PARP3: variants seen among roughly 807,000 people sequenced by gnomAD.
PARP3 encodes the protein poly(ADP-ribose) polymerase family member 3, also known as protein mono-ADP-ribosyltransferase PARP3.
In PARP3, 46 loss-of-function variants were observed where a neutral mutation model predicts 58.2. That is an observed-to-expected ratio of 0.79 (90% CI 0.62 to 1.01). The LOEUF (loss-of-function observed/expected upper bound fraction) is 1.01, where lower values mean the gene tolerates loss of function less well. PARP3 is among the 50% of genes least tolerant of loss of function. PARP3 has a pLI of 0.00. For missense variants in PARP3, 663 were observed against 683.9 expected (o/e 0.97, Z 0.34); for synonymous variants, 252 against 266.4 (o/e 0.95, Z 0.53).
intron 2 of PARP3, 23 bp downstream of exon 2, chr3:51,943,561 G>A (rs1356795543): frequency 6.3e-7 from 1 of 1,596,092 alleles, no homozygotes; most frequent in Non-Finnish European, 8.5e-7. Context: ...CCCCAGTCAG[G>A]CCCAGAGCCT....
At position 51,944,113 on chromosome 3, in the gene PARP3, C is replaced by T. The variant is rs369723429; in HGVS notation, c.208C>T (p.Leu70=). Residue 70 remains leucine (L), a synonymous_variant, in exon 3 of 11, where the codon CTG becomes TTG. Transcript: ENST00000398755. This position sits in a 1 kb window ranked among gnomAD's most constrained non-coding sequence, Gnocchi z 4.2. The part of the protein sequence containing the change: ...TQVYEDYNCT[L]NQTNIENNNN... Reference sequence around the variant, plus strand: ...GGTGTATGAGGACTACAACTGCACCCTGAACCAGACCAACATCGAGAACAA... The same window carrying T: ...GGTGTATGAGGACTACAACTGCACCTTGAACCAGACCAACATCGAGAACAA... 6.2e-7 allele frequency: 1 copy of T among 1,613,992 alleles called. No homozygotes were observed. Among genetic ancestry groups the T allele is most frequent in the African/African-American group, 1.3e-5 (1 of 75,000 alleles).
At chr3:51,945,963 C>G in intron 8 of PARP3, 24 bp downstream of exon 8, 1 of 1,578,448 alleles carries the variant, frequency 6.3e-7, no homozygotes, top group Non-Finnish European at 8.7e-7. Context: ...CCCCACCTCT[C>G]CCCCATCACC....
In PARP3 at chr3:51,946,449, T is replaced by C; in HGVS notation, c.1276+106T>C. ...ATGGTGAATCCAAGAGAGGAATCCTTTAATGGTTAATGACTACAGTGCTCA... is the reference window on the plus strand; with the variant it reads ...ATGGTGAATCCAAGAGAGGAATCCTCTAATGGTTAATGACTACAGTGCTCA... On this transcript the variant is annotated intron_variant, in intron 9 of 10. Coordinates refer to ENST00000398755, the MANE Select transcript of PARP3 (RefSeq NM_001003931.4). This position sits in a 1 kb window ranked among gnomAD's most constrained non-coding sequence, Gnocchi z 4.6. The C allele has an allele frequency of 1.1e-6, 1 of 903,288 alleles. No individual in the cohort carries two copies. Among genetic ancestry groups the C allele is most frequent in the South Asian group, 1.7e-5 (1 of 57,278 alleles). The allele number at this position is 903,288 out of a possible 1,614,324, so 56.0% of individuals were successfully genotyped here. A position where few individuals can be genotyped will look rare whatever the true frequency, so the allele number is the denominator to read the frequency against.
At chr3:51,943,694 G>A (rs1045289699) in intron 2 of PARP3, among the ~76,000 whole-genome samples, 156 bp downstream of exon 2, 2 of 152,116 alleles carry the variant, frequency 1.3e-5, no homozygotes, top group Admixed American at 1.3e-4. Flanking sequence ...AGACATCAGG[G>A]CTGTGTCCCG....
At position 51,942,670 on chromosome 3, in the gene PARP3, T is replaced by G. The variant is rs1577655115; in HGVS notation, c.-41T>G. On this transcript the variant is annotated 5_prime_UTR_variant, in exon 1 of 11. Transcript: ENST00000398755. Reference sequence around the variant, plus strand: ...GGGAGGCGCACACAACCAGGCCGGGTGGCAGCCAGGACCTCTCCCATGTCC... The same window carrying G: ...GGGAGGCGCACACAACCAGGCCGGGGGGCAGCCAGGACCTCTCCCATGTCC... 5 of 1,448,498 alleles carry G rather than the reference T, an allele frequency of 3.5e-6. No individual in the cohort carries two copies. The highest frequency in any genetic ancestry group is 4.8e-6 in the Non-Finnish European group (5 of 1,048,850). The allele number at this position is 1,448,498 out of a possible 1,614,324, so 89.7% of individuals were successfully genotyped here.
chr3:51,947,149 G>T (rs1373731027), intron 9 of PARP3, among the ~76,000 whole-genome samples: 1 of 152,200 alleles, frequency 6.6e-6, no homozygotes, highest in Non-Finnish European at 1.5e-5. Context: ...AAGGGTCAAG[G>T]CTGTCTCCAG....
At position 51,944,694 on chromosome 3, in the gene PARP3, C is replaced by A; in HGVS notation, c.502-84C>A. On this transcript the variant is annotated intron_variant, in intron 4 of 10. Coordinates refer to ENST00000398755, the MANE Select transcript of PARP3 (RefSeq NM_001003931.4). The surrounding 1 kb of genome is among the most constrained non-coding windows in gnomAD (Gnocchi z 4.2). ...CTGCGCAGCCTCAGCCACAGAACTC[C>A]CCTCTGGCCTCAGGCTGGCTGGTCT... 6.4e-7 allele frequency: 1 copy of A among 1,572,118 alleles called. No individual in the cohort carries two copies. Among genetic ancestry groups the A allele is most frequent in the African/African-American group, 1.3e-5 (1 of 74,120 alleles).
Position 51,947,888 on chromosome 3 carries a change from C to G in PARP3, c.1425C>G (p.Thr475=). Residue 475 remains threonine (T), a synonymous_variant, in exon 10 of 11, where the codon ACC becomes ACG. Coordinates refer to ENST00000398755, the MANE Select transcript of PARP3 (RefSeq NM_001003931.4). ...ACAGTGTCATTGCCCGAGGCCACAC[C>G]GAGCCTGGTGAGTCCTCAGAAGCTG... The part of the protein sequence containing the change: ...GFDSVIARGH[T]EPDPTQDTEL... 7 of 1,613,822 alleles carry G rather than the reference C, an allele frequency of 4.3e-6. No individual in the cohort carries two copies. The highest frequency in any genetic ancestry group is 5.9e-6 in the Non-Finnish European group (7 of 1,179,998).
rs1312373639 is a variant in PARP3 at position 51,948,708 on chromosome 3, CATTTGACTCTTTACT to C, written c.*229_*243del. ...TCTCCTCCCAGCCCATGGTAACCAGCATTTGACTCTTTACTTGTATAAGGGCAGCTTTTATAGGTT... is the reference window on the plus strand; with the variant it reads ...TCTCCTCCCAGCCCATGGTAACCAGCTGTATAAGGGCAGCTTTTATAGGTT... On this transcript the variant is annotated 3_prime_UTR_variant, in exon 11 of 11. Coordinates refer to ENST00000398755, the MANE Select transcript of PARP3 (RefSeq NM_001003931.4). 1.9e-6 allele frequency: 1 copy of C among 513,158 alleles called. No homozygotes were observed. Among genetic ancestry groups the C allele is most frequent in the African/African-American group, 1.9e-5 (1 of 51,332 alleles). The allele number at this position is 513,158 out of a possible 1,614,324, so 31.8% of individuals were successfully genotyped here.
At position 51,945,146 on chromosome 3, in the gene PARP3, C is replaced by G. The variant is rs778334099; in HGVS notation, c.783C>G (p.Ile261Met). 8 of 1,614,004 alleles carry G rather than the reference C, an allele frequency of 5.0e-6. No individual in the cohort carries two copies. Among genetic ancestry groups the G allele is most frequent in the Non-Finnish European group, 6.8e-6 (8 of 1,180,064 alleles). The change falls in exon 6 of 11, where the codon ATC becomes ATG. Residue 261 changes from isoleucine (I) to methionine (M), a missense_variant. Physicochemically the swap from Ile to Met is conservative, Grantham distance 10. Coordinates refer to ENST00000398755, the MANE Select transcript of PARP3 (RefSeq NM_001003931.4). The part of the protein sequence containing the change: ...EELSSHFYTV[I>M]PHNFGHSQPP... ...TGTCCTCACACTTTTACACCGTCAT[C>G]CCGCACAACTTCGGCCACAGCCAGC...
chr3:51,947,619 A>G (rs1699710322), intron 9 of PARP3, 121 bp from the exon 10 acceptor site: 5 of 1,024,014 alleles, frequency 4.9e-6, no homozygotes, highest in Non-Finnish European at 5.8e-6. Context: ...GTTGGGGGAG[A>G]GTGAGCCTTT....
chr3:51,945,184 A>G lies in PARP3; in HGVS notation c.821A>G (p.Asn274Ser), dbSNP rs764250768. ...NFGHSQPPPI[N>S]SPELLQAKKD... ...GGCCACAGCCAGCCCCCGCCCATCA[A>G]TTCCCCTGAGCTTCTGCAGGCCAAG... The change falls in exon 6 of 11, where the codon AAT (asparagine) becomes AGT (serine). Residue 274 changes from asparagine to serine, a missense_variant. By Grantham distance (46) the Asn-to-Ser change is conservative. Around this residue, in one of 3 missense-constraint regions of PARP3, gnomAD observed 567 missense variants for 553.6 expected, o/e 1.02. Transcript: ENST00000398755. 11 of 1,613,862 alleles carry G rather than the reference A, an allele frequency of 6.8e-6. No homozygotes were observed. In the South Asian group the frequency reaches 8.8e-5, roughly 13 times the overall value.
Position 51,943,438 on chromosome 3 carries a change from C to T in PARP3, c.83C>T (p.Pro28Leu). The change falls in exon 2 of 11, where the codon CCC (proline) becomes CTC (leucine). Residue 28 changes from proline to leucine, a missense_variant. Coordinates refer to ENST00000398755, the MANE Select transcript of PARP3 (RefSeq NM_001003931.4). ...CGGCAGGCAGGAAGGGAGGAGGACC[C>T]CTTCCGCTCCACCGCTGAGGCCCTC... ...KGRQAGREED[P>L]FRSTAEALKA... is the part of the protein sequence containing the mutation. The T allele has an allele frequency of 1.2e-6, 2 of 1,607,740 alleles. No homozygotes were observed. The highest frequency in any genetic ancestry group is 1.7e-6 in the Non-Finnish European group (2 of 1,177,790).
At position 51,946,421 on chromosome 3, in the gene PARP3, T is replaced by C. The variant is rs969741922; in HGVS notation, c.1276+78T>C. On this transcript the variant is annotated intron_variant, in intron 9 of 10. Coordinates refer to ENST00000398755, the MANE Select transcript of PARP3 (RefSeq NM_001003931.4). This position sits in a 1 kb window ranked among gnomAD's most constrained non-coding sequence, Gnocchi z 4.6. Reference sequence around the variant, plus strand: ...GGGCCCAGTCCTTGGCCACTGGAAATTCATGGTGAATCCAAGAGAGGAATC... The same window carrying C: ...GGGCCCAGTCCTTGGCCACTGGAAACTCATGGTGAATCCAAGAGAGGAATC... The C allele has an allele frequency of 4.2e-6, 5 of 1,184,100 alleles. No individual in the cohort carries two copies. The highest frequency in any genetic ancestry group is 2.4e-5 in the Admixed American group (1 of 41,018). The allele number at this position is 1,184,100 out of a possible 1,614,324, so 73.3% of individuals were successfully genotyped here. A position where few individuals can be genotyped will look rare whatever the true frequency, so the allele number is the denominator to read the frequency against.
chr3:51,944,680 C>G lies in PARP3; in HGVS notation c.502-98C>G, dbSNP rs1699629373. The G allele has an allele frequency of 6.4e-7, 1 of 1,574,688 alleles. No homozygotes were observed. The highest frequency in any genetic ancestry group is 1.8e-5 in the Admixed American group (1 of 57,122). On this transcript the variant is annotated intron_variant, in intron 4 of 10. Transcript: ENST00000398755. This position sits in a 1 kb window ranked among gnomAD's most constrained non-coding sequence, Gnocchi z 4.2. ...CTGCCACTGCCCAGCTGCGCAGCCT[C>G]AGCCACAGAACTCCCCTCTGGCCTC...
Position 51,947,665 on chromosome 3 carries a change from C to T in PARP3, c.1277-75C>T, listed in dbSNP as rs182574856. ...GCAGCAAAGCCAGAAGGAATAACAT[C>T]GCAGCAGAGAGGGGCCCCACAGGTC... On this transcript the variant is annotated intron_variant, in intron 9 of 10. Coordinates refer to ENST00000398755, the MANE Select transcript of PARP3 (RefSeq NM_001003931.4). 6.4e-4 allele frequency: 954 copies of T among 1,501,790 alleles called. 4 individuals carry two copies. In the African/African-American group the frequency reaches 0.011, roughly 17 times the overall value. 93.0% of individuals were successfully genotyped at this position (1,501,790 alleles called of 1,614,324 possible).
At position 51,944,729 on chromosome 3, in the gene PARP3, G is replaced by A. The variant is rs1043604103; in HGVS notation, c.502-49G>A. ...TCAGGCTGGCTGGTCTCTGTCTGGT[G>A]TCACGCCCTGCCCCGCTGCTCCTGC... On this transcript the variant is annotated intron_variant, in intron 4 of 10. Transcript: ENST00000398755. This position sits in a 1 kb window ranked among gnomAD's most constrained non-coding sequence, Gnocchi z 4.2. 2.7e-5 allele frequency: 42 copies of A among 1,579,978 alleles called. No individual in the cohort carries two copies. The highest frequency in any genetic ancestry group is 3.3e-5 in the Non-Finnish European group (38 of 1,162,504).
Position 51,944,090 on chromosome 3 carries a change from T to C in PARP3, c.185T>C (p.Val62Ala). 1 of 1,607,100 alleles carries C rather than the reference T, an allele frequency of 6.2e-7. No homozygotes were observed. The highest frequency in any genetic ancestry group is 8.5e-7 in the Non-Finnish European group (1 of 1,176,566). The stretch of plus-strand genomic sequence containing the variant: ...CCCCCCACCTCCCCTCTGGCCCAGG[T>C]GTATGAGGACTACAACTGCACCCTG... ...CPLSSNPGTQ[V>A]YEDYNCTLNQ... is the part of the protein sequence containing the mutation. Residue 62 changes from valine (V) to alanine (A), a missense_variant and splice_region_variant, in exon 3 of 11, where the codon GTG becomes GCG. Physicochemically the swap from Val to Ala is moderately conservative, Grantham distance 64. Around this residue, in one of 3 missense-constraint regions of PARP3, gnomAD observed 567 missense variants for 553.6 expected, o/e 1.02. Transcript: ENST00000398755. This position sits in a 1 kb window ranked among gnomAD's most constrained non-coding sequence, Gnocchi z 4.2.
chr3:51,944,316 G>A lies in PARP3; in HGVS notation c.313-74G>A. ...CCTCCCAACTGTCCCAGGGCACTCA[G>A]CACAGGGCCTGGCCCGACACACAGG... is the stretch of plus-strand genomic sequence containing the variant. On this transcript the variant is annotated intron_variant, in intron 3 of 10. Transcript: ENST00000398755. The surrounding 1 kb of genome is among the most constrained non-coding windows in gnomAD (Gnocchi z 4.2). 1 of 1,606,222 alleles carries A rather than the reference G, an allele frequency of 6.2e-7. No homozygotes were observed. The highest frequency in any genetic ancestry group is 1.1e-5 in the South Asian group (1 of 90,036).
Sources: gnomAD v4.1 joint callset for allele counts (sites outside exome capture counted in the v4.1 genomes callset) on GRCh38, gnomAD v4.1.1 for gene constraint, gnomAD v4.1.1 regional missense constraint, Gnocchi (gnomAD v3.1) non-coding constraint, MANE v1.5 for transcripts, NCBI Gene and HGNC (gene_info 2026-07-23, HGNC 2026-07-21) for gene names.